Variants in ZFHX3 observed in about 807,000 individuals in gnomAD.
The protein encoded by ZFHX3 is zinc finger homeobox protein 3.
In ZFHX3, 42 loss-of-function variants were observed where a neutral mutation model predicts 279.1. The ratio of observed to expected loss-of-function variants is 0.15; its 90% CI spans 0.12 to 0.19. The LOEUF is 0.19. Among genes scored for constraint, ZFHX3 ranks in the 10% least tolerant of loss-of-function variants. The pLI is 1.00. For synonymous variants in ZFHX3, 2,293 were observed against 1,957.8 expected (o/e 1.17, Z -4.52); for missense variants, 4,981 against 4,754.0 (o/e 1.05, Z -1.40).
chr16:72,812,137 A>AT, intron 5 of ZFHX3, 99 bp from the exon 6 acceptor site: 1 of 1,478,836 alleles, frequency 6.8e-7, no homozygotes, highest in Non-Finnish European at 9.0e-7. Flanking sequence ...ATAGCACAGG[A>AT]TTTTCTTAAA....
Position 72,942,365 on chromosome 16 carries a change from C to T in ZFHX3, c.3216+8104G>A, listed in dbSNP as rs141016092. Among the ~76,000 whole-genome samples the T allele has an allele frequency of 1.1e-3, 164 of 152,284 alleles. 1 individual carries two copies. In the Middle Eastern group the frequency reaches 0.027, roughly 25 times the overall value. On this transcript the variant is annotated intron_variant, in intron 3 of 9. Transcript: ENST00000268489. The stretch of plus-strand genomic sequence containing the variant: ...TAAGGGTTACAGACCACCCCTAAGA[C>T]GGCAGATGTCATTTATGCGAAGAAT...
chr16:73,457,573 G>C (rs1456584033), intron 2 of ZFHX3, among the ~76,000 whole-genome samples: 1 of 152,142 alleles, frequency 6.6e-6, no homozygotes, highest in African/African-American at 2.4e-5. Context: ...AGGAGTTCAA[G>C]ACCAGCCTGA....
chr16:73,210,338 C>T (rs2011967251), intron 5 of ZFHX3, among the ~76,000 whole-genome samples: 1 of 152,154 alleles, frequency 6.6e-6, no homozygotes, highest in African/African-American at 2.4e-5. Flanking sequence ...CCATCTTTCA[C>T]TTCTCTCCCG....
At chr16:72,910,453 T>C (rs115513532) in intron 3 of ZFHX3, among the ~76,000 whole-genome samples, 6 of 152,232 alleles carry the variant, frequency 3.9e-5, no homozygotes, top group Non-Finnish European at 7.3e-5. Flanking sequence ...AAATCTGGAT[T>C]GAGAAAAATG....
chr16:72,968,477 T>C (rs948749827), intron 1 of ZFHX3, among the ~76,000 whole-genome samples: 8 of 139,740 alleles, frequency 5.7e-5, no homozygotes, highest in Admixed American at 3.5e-4. Context: ...TTTTTTTTTT[T>C]TGAGACAGAG....
intron 4 of ZFHX3, among the ~76,000 whole-genome samples, chr16:72,861,460 C>CT (rs903258522): frequency 6.6e-6 from 1 of 152,134 alleles, no homozygotes; most frequent in African/African-American, 2.4e-5. Flanking sequence ...GAAAAAGAGA[C>CT]TGTTTCCCCA....
intron 5 of ZFHX3, among the ~76,000 whole-genome samples, chr16:73,146,872 G>A (rs1966865949): frequency 6.6e-6 from 1 of 152,102 alleles, no homozygotes; most frequent in South Asian, 2.1e-4. Context: ...GCCCAGGCTG[G>A]TCTCGAACTC....
chr16:73,723,030 T>C (rs1467078595), intron 1 of ZFHX3, among the ~76,000 whole-genome samples: 2 of 152,168 alleles, frequency 1.3e-5, no homozygotes, highest in Non-Finnish European at 2.9e-5. Context: ...CCCCATGACA[T>C]AGTGCAAATG....
At chr16:73,736,159 G>A (rs775336077) in intron 1 of ZFHX3, among the ~76,000 whole-genome samples, 16 of 152,068 alleles carry the variant, frequency 1.1e-4, no homozygotes, top group Non-Finnish European at 2.4e-4. Flanking sequence ...AGACAGATGG[G>A]GATTCTAGTT....
chr16:73,060,702 A>C (rs1965672937), upstream of ZFHX3: 1 of 152,212 alleles, frequency 6.6e-6, no homozygotes, highest in South Asian at 2.1e-4. Flanking sequence ...GTAATCTGCA[A>C]ATGTAAAAAC....
chr16:73,673,922 ACAGGTATGAGAGCAAACCCCTAAGT>A (rs2142187840), intron 2 of ZFHX3, among the ~76,000 whole-genome samples: 1 of 152,328 alleles, frequency 6.6e-6, no homozygotes, highest in South Asian at 2.1e-4. Flanking sequence ...ACACAAGGAG[ACAGGTATGAGAGCAAACCCCTAAGT>A]CAGGTGACGA....
At chr16:73,010,043 A>AGGAGT (rs1963858694) in intron 1 of ZFHX3, among the ~76,000 whole-genome samples, 1 of 149,374 alleles carries the variant, frequency 6.7e-6, no homozygotes, top group African/African-American at 2.5e-5. Flanking sequence ...AAAAAAAAAA[A>AGGAGT]CTCATAAAGG....
At chr16:73,581,127 A>T (rs184905169) in intron 2 of ZFHX3, among the ~76,000 whole-genome samples, 1 of 151,526 alleles carries the variant, frequency 6.6e-6, no homozygotes, top group Non-Finnish European at 1.5e-5. Flanking sequence ...TATTTTCTCA[A>T]TTTTTTTTAA....
chr16:73,156,157 G>A (rs1406212774), intron 5 of ZFHX3, among the ~76,000 whole-genome samples: 7 of 149,864 alleles, frequency 4.7e-5, no homozygotes, highest in African/African-American at 1.7e-4. Flanking sequence ...GTGTGAACCC[G>A]GGAGGCAGAG....
chr16:73,092,246 A>G (rs1301267945), intron 8 of ZFHX3: 2 of 152,226 alleles, frequency 1.3e-5, no homozygotes, highest in Admixed American at 1.3e-4. Context: ...AAGATACCAT[A>G]TATATATTTA....
intron 1 of ZFHX3, among the ~76,000 whole-genome samples, chr16:73,735,382 T>TAA (rs1310717929): frequency 1.5e-4 from 15 of 102,266 alleles, no homozygotes; most frequent in African/African-American, 4.2e-4. Flanking sequence ...TGTGTGCTTC[T>TAA]AAAAAAAAAA....
chr16:73,040,403 A>C (rs1435413568), intron 1 of ZFHX3, among the ~76,000 whole-genome samples: 1 of 152,230 alleles, frequency 6.6e-6, no homozygotes, highest in Non-Finnish European at 1.5e-5. Context: ...GTATTTGCAT[A>C]TAAATGCCTC....
chr16:73,278,352 C>T (rs552274931), intron 4 of ZFHX3, among the ~76,000 whole-genome samples: 6 of 152,224 alleles, frequency 3.9e-5, no homozygotes, highest in African/African-American at 1.2e-4. Flanking sequence ...TAAAGTGTAA[C>T]GATGGAGGAA....
intron 1 of ZFHX3, among the ~76,000 whole-genome samples, chr16:73,774,816 T>A (rs2054058799): frequency 6.6e-6 from 1 of 152,190 alleles, no homozygotes; most frequent in African/African-American, 2.4e-5. Flanking sequence ...ATGAATGCAT[T>A]TGCTCCAGGA....
Sources: gnomAD v4.1 joint callset for allele counts (sites outside exome capture counted in the v4.1 genomes callset) on GRCh38, gnomAD v4.1.1 for gene constraint, MANE v1.5 for transcripts, NCBI Gene and HGNC (gene_info 2026-07-23, HGNC 2026-07-21) for gene names.